LANCL3: variants seen among roughly 807,000 people sequenced by gnomAD.
The protein encoded by LANCL3 is lanC-like protein 3.
A neutral mutation model predicts 26.5 loss-of-function variants in LANCL3; 19 were observed. The observed-to-expected ratio is 0.72, with a 90% CI of 0.50 to 1.05. The LOEUF is 1.05. Ranked by LOEUF, LANCL3 falls within the 50% of genes least tolerant of loss-of-function variation. LANCL3 has a pLI of 0.00. For synonymous variants in LANCL3, 160 were observed against 166.6 expected (o/e 0.96, Z 0.30); for missense variants, 318 against 362.7 (o/e 0.88, Z 1.00).
chrX:37,583,424 C>T (rs1249886597), intron 1 of LANCL3, among the ~76,000 whole-genome samples: 6 of 111,757 alleles, frequency 5.4e-5, no homozygotes, highest in Admixed American at 3.8e-4. Flanking sequence ...GCCATTTTCA[C>T]GATATTGATT....
Position 37,655,721 on chromosome X carries a change from C to T in LANCL3, c.607C>T (p.Gln203Ter). The change falls in exon 2 of 5, where the codon CAG becomes TAG. Residue 203 changes from glutamine to a stop codon, truncating the protein, a stop_gained. Transcript: ENST00000378619. LOFTEE classifies it high-confidence loss of function. ...LTPAQIKSICQAILDSGKQYA... is the reference protein window; with the variant it reads ...LTPAQIKSIC ...TCCAGCACAGATCAAGTCAATTTGT[C>T]AGGCAATTCTGGACTCTGGGAAGCA... 1 of 1,205,445 alleles carries T rather than the reference C, an allele frequency of 8.3e-7. No homozygotes were observed. Among genetic ancestry groups the T allele is most frequent in the Non-Finnish European group, 1.1e-6 (1 of 890,670 alleles).
intron 1 of LANCL3, among the ~76,000 whole-genome samples, chrX:37,572,698 C>G (rs1414524500): frequency 8.9e-6 from 1 of 112,343 alleles, no homozygotes; most frequent in Non-Finnish European, 1.9e-5. Context: ...TGGCATCACT[C>G]CAGATGCCTG....
chrX:37,609,758 C>G (rs961925606), intron 1 of LANCL3, among the ~76,000 whole-genome samples: 4 of 111,314 alleles, frequency 3.6e-5, no homozygotes, highest in African/African-American at 1.3e-4. Flanking sequence ...TATTTACAGT[C>G]ACATGAAAGC....
rs782782317 is a variant in LANCL3, at chrX:37,667,450, G to A, written c.1064G>A (p.Arg355Gln). ...GSAYVFLLLY[R>Q]LTGNSKYIYR... ...GCCTATGTCTTCCTGCTGCTGTACC[G>A]GCTCACGGGAAACTCTAAATACATC... The change falls in exon 4 of 5, where the codon CGG becomes CAG. Residue 355 changes from arginine (R) to glutamine (Q), a missense_variant. Physicochemically the swap from Arg to Gln is conservative, Grantham distance 43 (BLOSUM62 1). Coordinates refer to ENST00000378619, the MANE Select transcript of LANCL3 (RefSeq NM_001170331.2). 6 of 1,194,264 alleles carry A rather than the reference G, an allele frequency of 5.0e-6. No individual in the cohort carries two copies. Among genetic ancestry groups the A allele is most frequent in the Admixed American group, 4.6e-5 (2 of 43,838 alleles).
At chrX:37,596,825 G>C (rs1050931087) in intron 1 of LANCL3, among the ~76,000 whole-genome samples, 2 of 112,131 alleles carry the variant, frequency 1.8e-5, no homozygotes, top group Non-Finnish European at 3.8e-5. Flanking sequence ...GCTACATTGA[G>C]ATATAACTTA....
chrX:37,578,047 G>A (rs1556416599), intron 1 of LANCL3, among the ~76,000 whole-genome samples: 2 of 112,110 alleles, frequency 1.8e-5, no homozygotes, highest in East Asian at 2.8e-4. Flanking sequence ...CTTTCCAGGC[G>A]TTTTCTCTGC....
chrX:37,665,191 CATTG>C (rs1329939955), intron 3 of LANCL3, among the ~76,000 whole-genome samples: 1 of 112,143 alleles, frequency 8.9e-6, no homozygotes, highest in Non-Finnish European at 1.9e-5. Context: ...AAAACACTTC[CATTG>C]ATTCCCTGAT....
intron 1 of LANCL3, among the ~76,000 whole-genome samples, chrX:37,580,952 C>T (rs188176771): frequency 8.9e-6 from 1 of 111,904 alleles, no homozygotes; most frequent in African/African-American, 3.2e-5. Context: ...GGCTGGTTGC[C>T]AAATCTGTGA....
At chrX:37,595,101 G>A (rs1224546767) in intron 1 of LANCL3, among the ~76,000 whole-genome samples, 3 of 111,642 alleles carry the variant, frequency 2.7e-5, no homozygotes, top group Non-Finnish European at 5.6e-5. Context: ...CTCACTGGAC[G>A]TACAGAATCA....
At chrX:37,628,809 G>A in intron 1 of LANCL3, among the ~76,000 whole-genome samples, 1 of 109,662 alleles carries the variant, frequency 9.1e-6, no homozygotes, top group Non-Finnish European at 1.9e-5. Flanking sequence ...AGTATTCCAT[G>A]GTGTATATGT....
At position 37,678,436 on chromosome X, in the gene LANCL3, A is replaced by G; in HGVS notation, c.*2623A>G. The G allele has an allele frequency of 9.0e-6, 1 of 111,062 alleles. No homozygotes were observed. Among genetic ancestry groups the G allele is most frequent in the Middle Eastern group, 4.7e-3 (1 of 215 alleles). 9.2% of individuals were successfully genotyped at this position (111,062 alleles called of 1,213,427 possible). A position where few individuals can be genotyped will look rare whatever the true frequency, so the allele number is the denominator to read the frequency against. On this transcript the variant is annotated 3_prime_UTR_variant, in exon 5 of 5. Coordinates refer to ENST00000378619, the MANE Select transcript of LANCL3 (RefSeq NM_001170331.2). ...CCACCACTAGTATAACTTTAATATTATTTACTATATACAGCATGAGCAATT... is the reference window on the plus strand; with the variant it reads ...CCACCACTAGTATAACTTTAATATTGTTTACTATATACAGCATGAGCAATT...
At position 37,572,346 on chromosome X, in the gene LANCL3, C is replaced by T; in HGVS notation, c.476C>T (p.Pro159Leu). The change falls in exon 1 of 5, where the codon CCG (proline) becomes CTG (leucine). Residue 159 changes from proline (P) to leucine (L), a missense_variant. Transcript: ENST00000378619. ...CGGGCTCTGTGTGCCGTCTGCGCGC[C>T]GGTCTCCTTCCTGGAGTGCGGCTCC... ...KFRALCAVCA[P>L]VSFLECGSDE... 4 of 1,166,375 alleles carry T rather than the reference C, an allele frequency of 3.4e-6. No individual in the cohort carries two copies. In the South Asian group the frequency reaches 5.7e-5, roughly 17 times the overall value.
intron 1 of LANCL3, among the ~76,000 whole-genome samples, chrX:37,634,263 C>T (rs782513229): frequency 9.8e-5 from 11 of 112,577 alleles, no homozygotes; most frequent in African/African-American, 1.6e-4. Flanking sequence ...TCTCCTGGTG[C>T]GCCGTTTTTT....
chrX:37,659,409 A>G, intron 2 of LANCL3, 53 bp from the exon 3 acceptor site: 1 of 945,272 alleles, frequency 1.1e-6, no homozygotes, highest in Non-Finnish European at 1.5e-6. Context: ...TCACTAAATC[A>G]AACTAGCTGT....
intron 1 of LANCL3, among the ~76,000 whole-genome samples, chrX:37,597,595 GTT>G (rs1443973722): frequency 9.6e-6 from 1 of 104,621 alleles, no homozygotes; most frequent in Non-Finnish European, 2.0e-5. Context: ...CTCACTGCGA[GTT>G]TGAACTCCTG....
chrX:37,638,525 G>A (rs961205220), intron 1 of LANCL3, among the ~76,000 whole-genome samples: 1 of 111,563 alleles, frequency 9.0e-6, no homozygotes, highest in Non-Finnish European at 1.9e-5. Flanking sequence ...TACAACCAAA[G>A]GGCCTTGACA....
In LANCL3 at chrX:37,572,300, G is replaced by T. The variant is rs1458483436; in HGVS notation, c.430G>T (p.Val144Leu). 5 of 1,158,894 alleles carry T rather than the reference G, an allele frequency of 4.3e-6. No individual in the cohort carries two copies. The highest frequency in any genetic ancestry group is 6.5e-5 in the East Asian group (2 of 30,751). The change falls in exon 1 of 5, where the codon GTG becomes TTG. Residue 144 changes from valine to leucine, a missense_variant. Transcript: ENST00000378619. ...CCACGCCCTGGGCCGGTCCGACTAC[G>T]TGCAGCCGCTGGGCAAGTTCCGGGC... ...VYHALGRSDY[V>L]QPLGKFRALC...
chrX:37,618,383 T>C (rs1925065181), intron 1 of LANCL3, among the ~76,000 whole-genome samples: 1 of 112,063 alleles, frequency 8.9e-6, no homozygotes, highest in Admixed American at 9.4e-5. Context: ...TGGTGATTAG[T>C]GGCTTGCCTC....
chrX:37,610,978 A>G (rs993160802), intron 1 of LANCL3, among the ~76,000 whole-genome samples: 7 of 111,921 alleles, frequency 6.3e-5, no homozygotes, highest in Admixed American at 9.4e-5. Context: ...GGCAGGGAGG[A>G]AAGCCAATAA....
Sources: gnomAD v4.1 joint callset for allele counts (sites outside exome capture counted in the v4.1 genomes callset) on GRCh38, gnomAD v4.1.1 for gene constraint, MANE v1.5 for transcripts, NCBI Gene and HGNC (gene_info 2026-07-23, HGNC 2026-07-21) for gene names.